Variants in KIAA1755 observed in about 807,000 individuals in gnomAD.
KIAA1755 encodes the protein uncharacterized protein KIAA1755.
Under a neutral mutation model 91.7 loss-of-function variants are expected in KIAA1755, and 68 were observed. The ratio of observed to expected loss-of-function variants is 0.74; its 90% CI spans 0.61 to 0.91. The LOEUF is 0.91. Ranked by LOEUF, KIAA1755 falls within the 40% of genes least tolerant of loss-of-function variation. The pLI is 0.00. For missense variants in KIAA1755, 1,535 were observed against 1,494.4 expected, an observed-to-expected ratio of 1.03 and a Z score of -0.45; for synonymous variants, 610 against 604.6, an observed-to-expected ratio of 1.01 and a Z score of -0.13.
At chr20:38,226,641 T>C (rs1441866681) in intron 7 of KIAA1755, among the ~76,000 whole-genome samples, 1 of 152,190 alleles carries the variant, frequency 6.6e-6, no homozygotes, top group East Asian at 1.9e-4. Context: ...CTGTGGTGTA[T>C]GGCACTAATT....
intron 1 of KIAA1755, among the ~76,000 whole-genome samples, chr20:38,249,371 G>A (rs546563904): frequency 7.9e-5 from 12 of 152,306 alleles, no homozygotes; most frequent in Admixed American, 1.3e-4. Flanking sequence ...CCACTCAAAG[G>A]GAGCTTACTT....
At chr20:38,243,513 T>A (rs1456053457) in intron 2 of KIAA1755, among the ~76,000 whole-genome samples, 1 of 152,260 alleles carries the variant, frequency 6.6e-6, no homozygotes, top group African/African-American at 2.4e-5. Flanking sequence ...GCTTTGCTCA[T>A]CTCACTTGAC....
At chr20:38,253,569 G>A (rs1424317423) in intron 1 of KIAA1755, among the ~76,000 whole-genome samples, 2 of 152,094 alleles carry the variant, frequency 1.3e-5, no homozygotes, top group Non-Finnish European at 2.9e-5. Context: ...AAAGAAAACA[G>A]TGTCATACCG....
intron 4 of KIAA1755, among the ~76,000 whole-genome samples, chr20:38,231,646 GTGTC>G (rs566989186): frequency 1.2e-4 from 19 of 152,308 alleles, no homozygotes; most frequent in Non-Finnish European, 2.8e-4. Flanking sequence ...GACTCACTGT[GTGTC>G]TGTGGGCAAG....
At chr20:38,252,953 G>A (rs1057198828) in intron 1 of KIAA1755, among the ~76,000 whole-genome samples, 4 of 152,248 alleles carry the variant, frequency 2.6e-5, no homozygotes, top group South Asian at 4.1e-4. Context: ...CAATCCACCC[G>A]GCAGCCCAGC....
At position 38,213,716 on chromosome 20, in the gene KIAA1755, C is replaced by T; in HGVS notation, c.2929G>A (p.Asp977Asn). ...TCCAGCCTGAGCTGGGCCATCAGGT[C>T]CTGACAGTCCATGTGGAACCAGGTC... ...RMTWFHMDCQ[D>N]LMAQLRLDKT... The change falls in exon 14 of 14, where the codon GAC becomes AAC. Residue 977 changes from aspartate (D) to asparagine (N), a missense_variant. Asp to Asn is a conservative substitution (Grantham distance 23, BLOSUM62 1). Coordinates refer to ENST00000279024, the MANE Select transcript of KIAA1755 (RefSeq NM_001029864.2). The T allele has an allele frequency of 2.0e-6, 3 of 1,500,366 alleles. No individual in the cohort carries two copies. The highest frequency in any genetic ancestry group is 2.7e-6 in the Non-Finnish European group (3 of 1,125,018). 92.9% of individuals were successfully genotyped at this position (1,500,366 alleles called of 1,614,324 possible).
In KIAA1755 at chr20:38,231,293, G is replaced by A; in HGVS notation, c.1780C>T (p.Leu594=). The A allele has an allele frequency of 6.2e-7, 1 of 1,612,082 alleles. No individual in the cohort carries two copies. Among genetic ancestry groups the A allele is most frequent in the East Asian group, 2.2e-5 (1 of 44,830 alleles). The change falls in exon 5 of 14, where the codon CTG becomes TTG. Residue 594 remains leucine, a synonymous_variant. Transcript: ENST00000279024. ...GRDRAGRPLL[L]VSTTEGAWEA... is the part of the protein sequence containing the mutation. ...CAGGCCCCCTCTGTAGTTGACACCAGAAGCAGGGGCCGCCCGGCCCTGTCC... is the reference window on the plus strand; with the variant it reads ...CAGGCCCCCTCTGTAGTTGACACCAAAAGCAGGGGCCGCCCGGCCCTGTCC...
At chr20:38,231,507 C>T (rs1056802453) in intron 4 of KIAA1755, among the ~76,000 whole-genome samples, 182 bp from the exon 5 acceptor site, 2 of 152,314 alleles carry the variant, frequency 1.3e-5, no homozygotes, top group Middle Eastern at 3.4e-3. Flanking sequence ...AACACCACTT[C>T]GTGAGAAAAG....
intron 5 of KIAA1755, among the ~76,000 whole-genome samples, chr20:38,230,617 G>A (rs546065045): frequency 2.6e-5 from 4 of 152,272 alleles, no homozygotes; most frequent in Admixed American, 6.5e-5. Context: ...GGCCAGGCAC[G>A]GTGGCTCACG....
In KIAA1755 at chr20:38,241,597, C is replaced by A. The variant is rs1385895005; in HGVS notation, c.534G>T (p.Trp178Cys). 1 of 1,614,228 alleles carries A rather than the reference C, an allele frequency of 6.2e-7. No individual in the cohort carries two copies. The highest frequency in any genetic ancestry group is 8.5e-7 in the Non-Finnish European group (1 of 1,180,042). Reference sequence around the variant, plus strand: ...CAAACTCTGGGCTGGTTATCTTGGTCCAAGGCACAGGGGCAATCCCATTTT... The same window carrying A: ...CAAACTCTGGGCTGGTTATCTTGGTACAAGGCACAGGGGCAATCCCATTTT... Reference protein sequence around the residue: ...ASENGIAPVPWTKITSPEFVD... With the variant: ...ASENGIAPVPCTKITSPEFVD... Residue 178 changes from tryptophan to cysteine, a missense_variant, in exon 3 of 14, where the codon TGG (tryptophan) becomes TGT (cysteine). Coordinates refer to ENST00000279024, the MANE Select transcript of KIAA1755 (RefSeq NM_001029864.2).
intron 13 of KIAA1755, chr20:38,216,965 C>A (rs1261050256): frequency 3.0e-6 from 2 of 657,806 alleles, no homozygotes; most frequent in South Asian, 3.0e-5. Flanking sequence ...ATGTTCAAAT[C>A]TCAGCTCTTC....
At chr20:38,234,429 C>T (rs973313443) in intron 4 of KIAA1755, among the ~76,000 whole-genome samples, 5 of 152,192 alleles carry the variant, frequency 3.3e-5, no homozygotes, top group Admixed American at 6.5e-5. Context: ...AGAGCCCTTA[C>T]GGGTGTGCAC....
intron 1 of KIAA1755, among the ~76,000 whole-genome samples, chr20:38,246,435 C>T (rs1418449781): frequency 4.0e-5 from 6 of 150,960 alleles, no homozygotes; most frequent in Non-Finnish European, 7.4e-5. Context: ...TGCTGATCCA[C>T]GGAGACGTGG....
At chr20:38,257,651 G>T (rs2076362739) in intron 1 of KIAA1755, among the ~76,000 whole-genome samples, 1 of 151,340 alleles carries the variant, frequency 6.6e-6, no homozygotes, top group Non-Finnish European at 1.5e-5. Flanking sequence ...ACAATTTTGG[G>T]AGAACATAGA....
chr20:38,216,989 T>C (rs1277049947), intron 13 of KIAA1755: 1 of 672,044 alleles, frequency 1.5e-6, no homozygotes, highest in Non-Finnish European at 2.7e-6. Context: ...TTCCTCTGTT[T>C]TTTTCCTGTT....
Position 38,217,330 on chromosome 20 carries a change from T to C in KIAA1755, c.2824A>G (p.Thr942Ala). Residue 942 changes from threonine (T) to alanine (A), a missense_variant, in exon 13 of 14, where the codon ACC becomes GCC. Transcript: ENST00000279024. ...CGCTCGGCCGCCATGTAAAAGTGGGTCAGCTCAGCCTGGAAGGCCCGCTGG... is the reference window on the plus strand; with the variant it reads ...CGCTCGGCCGCCATGTAAAAGTGGGCCAGCTCAGCCTGGAAGGCCCGCTGG... ...STQRAFQAEL[T>A]HFYMAAERQR... 3 of 1,612,244 alleles carry C rather than the reference T, an allele frequency of 1.9e-6. No individual in the cohort carries two copies. The highest frequency in any genetic ancestry group is 2.5e-6 in the Non-Finnish European group (3 of 1,179,388).
At position 38,222,538 on chromosome 20, in the gene KIAA1755, G is replaced by A. The variant is rs41310010; in HGVS notation, c.2328C>T (p.Pro776=). 4.5e-4 allele frequency: 727 copies of A among 1,613,458 alleles called. 6 individuals carry two copies. The South Asian group carries it at 7.3e-3, about 16-fold the overall frequency. Residue 776 remains proline (P), a synonymous_variant, in exon 10 of 14, where the codon CCC becomes CCT. Coordinates refer to ENST00000279024, the MANE Select transcript of KIAA1755 (RefSeq NM_001029864.2). ...CTTCCCGCTGGAGGCCCAGTAGGCC[G>A]GGGTCCCTCAGCACAGCCTCCATCA... ...KELMEAVLRD[P]GLLGLQREGG... is the part of the protein sequence containing the mutation.
chr20:38,222,669 C>A, intron 9 of KIAA1755, 72 bp from the exon 10 acceptor site: 1 of 1,512,510 alleles, frequency 6.6e-7, no homozygotes, highest in South Asian at 1.2e-5. Flanking sequence ...GCTCCCCACA[C>A]CCAGATCAAG....
chr20:38,213,244 G>C lies in KIAA1755; in HGVS notation c.3401C>G (p.Ala1134Gly). ...GSPPQEAGQA[A>G]EAEDGKGSHK... ...GGAGCCTTTGCCGTCTTCAGCCTCT[G>C]CAGCCTGGCCAGCTTCCTGGGGTGG... The change falls in exon 14 of 14, where the codon GCA becomes GGA. Residue 1134 changes from alanine (A) to glycine (G), a missense_variant. Physicochemically the swap from Ala to Gly is moderately conservative, Grantham distance 60. Coordinates refer to ENST00000279024, the MANE Select transcript of KIAA1755 (RefSeq NM_001029864.2). 1 of 1,613,344 alleles carries C rather than the reference G, an allele frequency of 6.2e-7. No individual in the cohort carries two copies. Among genetic ancestry groups the C allele is most frequent in the Middle Eastern group, 1.6e-4 (1 of 6,062 alleles).
Sources: gnomAD v4.1 joint callset for allele counts (sites outside exome capture counted in the v4.1 genomes callset) on GRCh38, gnomAD v4.1.1 for gene constraint, MANE v1.5 for transcripts, NCBI Gene and HGNC (gene_info 2026-07-23, HGNC 2026-07-21) for gene names.